Variants in ABCA6 observed in about 807,000 individuals in gnomAD.
The protein encoded by ABCA6 is ATP-binding cassette sub-family A member 6.
ABCA6 carries 164 observed loss-of-function variants against 191.2 expected under a neutral mutation model. The ratio of observed to expected loss-of-function variants is 0.86; its 90% CI spans 0.76 to 0.98. The LOEUF is 0.98. Ranked by LOEUF, ABCA6 falls within the 50% of genes least tolerant of loss-of-function variation. The pLI is 0.00. For synonymous variants in ABCA6, 636 were observed against 647.7 expected (o/e 0.98, Z 0.27); for missense variants, 1,958 against 1,894.1 (o/e 1.03, Z -0.63).
intron 8 of ABCA6, among the ~76,000 whole-genome samples, chr17:69,128,103 G>T (rs2073786076): frequency 6.6e-6 from 1 of 152,022 alleles, no homozygotes; most frequent in African/African-American, 2.4e-5. Flanking sequence ...GCAAATAAGT[G>T]AATATCATAA....
Position 69,133,643 on chromosome 17 carries a change from G to T in ABCA6, c.789C>A (p.Phe263Leu). Residue 263 changes from phenylalanine to leucine, a missense_variant and splice_region_variant, in exon 6 of 39, where the codon TTC becomes TTA. Transcript: ENST00000284425. The stretch of plus-strand genomic sequence containing the variant: ...CACTACTTGAATTAGTCACTCACCA[G>T]AATGCTGAATCTTGGAGACCCATCA... ...MKMMGLQDSA[F>L]WLSWGLIYAG... is the part of the protein sequence containing the mutation. The T allele has an allele frequency of 6.4e-7, 1 of 1,572,624 alleles. No homozygotes were observed. Among genetic ancestry groups the T allele is most frequent in the South Asian group, 1.2e-5 (1 of 85,574 alleles).
Position 69,096,359 on chromosome 17 carries a change from C to T in ABCA6, c.3295-6G>A. 7.3e-7 allele frequency: 1 copy of T among 1,375,926 alleles called. No homozygotes were observed. The highest frequency in any genetic ancestry group is 9.8e-7 in the Non-Finnish European group (1 of 1,018,110). The allele number at this position is 1,375,926 out of a possible 1,614,324, so 85.2% of individuals were successfully genotyped here. A position where few individuals can be genotyped will look rare whatever the true frequency, so the allele number is the denominator to read the frequency against. The stretch of plus-strand genomic sequence containing the variant: ...TAACCAGGAGTAACTATAACCTGAG[C>T]ATAAAAGAAATAATAACATAGTCAA... On this transcript the variant is annotated splice_polypyrimidine_tract_variant and splice_region_variant and intron_variant, in intron 24 of 38. Transcript: ENST00000284425.
At chr17:69,097,447 T>C (rs2073075577) in intron 23 of ABCA6, among the ~76,000 whole-genome samples, 3 of 152,086 alleles carry the variant, frequency 2.0e-5, no homozygotes, top group Admixed American at 2.0e-4. Flanking sequence ...TACATTTACC[T>C]TTACCTAAAC....
At chr17:69,134,563 T>A in intron 5 of ABCA6, 76 bp downstream of exon 5, 2 of 1,049,036 alleles carry the variant, frequency 1.9e-6, no homozygotes, top group Non-Finnish European at 2.9e-6. Context: ...CTAAGACAAT[T>A]ATCTTTCATC....
At chr17:69,083,082 T>C in intron 35 of ABCA6, 69 bp from the exon 36 acceptor site, 1 of 1,592,534 alleles carries the variant, frequency 6.3e-7, no homozygotes, top group Non-Finnish European at 8.6e-7. Flanking sequence ...TTCTTAAATT[T>C]CAAATGTAGA....
rs756976569 is a variant in ABCA6, at chr17:69,088,257, G to T, written c.3608C>A (p.Pro1203His). 1.8e-5 allele frequency: 28 copies of T among 1,599,120 alleles called. No individual in the cohort carries two copies. ...AACGAATAGCAAAGTCTGAAAGTAG[G>T]GCTATGAGCAAAGAAATACAGTTAT... ...SATDFLVCFIPYFQTLLFVFV... is the reference protein window; with the variant it reads ...SATDFLVCFIHYFQTLLFVFV... Residue 1203 changes from proline (P) to histidine (H), a missense_variant and splice_region_variant, in exon 28 of 39, where the codon CCC (proline) becomes CAC (histidine). Coordinates refer to ENST00000284425, the MANE Select transcript of ABCA6 (RefSeq NM_080284.3).
At position 69,083,327 on chromosome 17, in the gene ABCA6, C is replaced by G. The variant is rs756449112; in HGVS notation, c.4360G>C (p.Ala1454Pro). ...DPTGQQQMWQ[A>P]IQAVVKNTER... Reference sequence around the variant, plus strand: ...GTGTTTTTAACGACTGCCTGGATTGCCTGCCTGCAGTGAGCAAAAAAATTA... The same window carrying G: ...GTGTTTTTAACGACTGCCTGGATTGGCTGCCTGCAGTGAGCAAAAAAATTA... The change falls in exon 35 of 39, where the codon GCA (alanine) becomes CCA (proline). Residue 1454 changes from alanine (A) to proline (P), a missense_variant. Physicochemically the swap from Ala to Pro is conservative, Grantham distance 27. Transcript: ENST00000284425. The G allele has an allele frequency of 1.3e-6, 2 of 1,584,648 alleles. No homozygotes were observed. Among genetic ancestry groups the G allele is most frequent in the African/African-American group, 1.4e-5 (1 of 73,136 alleles).
intron 23 of ABCA6, among the ~76,000 whole-genome samples, 196 bp downstream of exon 23, chr17:69,097,724 G>A (rs556571161): frequency 1.3e-5 from 2 of 152,266 alleles, no homozygotes; most frequent in South Asian, 2.1e-4. Flanking sequence ...TACTTTTCAG[G>A]TGACTTTGGA....
chr17:69,130,107 A>G (rs1201161226), intron 6 of ABCA6, among the ~76,000 whole-genome samples: 3 of 152,064 alleles, frequency 2.0e-5, no homozygotes, highest in Non-Finnish European at 4.4e-5. Context: ...TTTGAGGTCA[A>G]GAGTTCCAGA....
intron 11 of ABCA6, among the ~76,000 whole-genome samples, chr17:69,116,973 G>A (rs1335173034): frequency 6.6e-6 from 1 of 151,976 alleles, no homozygotes. Context: ...TGAGTACAAA[G>A]GTAGTTCAAA....
At chr17:69,083,154 C>A in intron 35 of ABCA6, 58 bp downstream of exon 35, 1 of 1,561,162 alleles carries the variant, frequency 6.4e-7, no homozygotes, top group Non-Finnish European at 8.6e-7. Context: ...GGATTTTTGC[C>A]CTTTCCATGG....
rs68086602 is a variant in ABCA6, at chr17:69,086,486, A to AATATATATATATATATATATAT, written c.3937+110_3937+131dup. ...GTCTAAAACACTCCCTGGCACACTA[A>AATATATATATATATATATATAT]ATATATATATATATATATATATATA... On this transcript the variant is annotated intron_variant, in intron 30 of 38. Coordinates refer to ENST00000284425, the MANE Select transcript of ABCA6 (RefSeq NM_080284.3). The AATATATATATATATATATATAT allele has an allele frequency of 7.2e-4, 117 of 163,282 alleles. 2 individuals are homozygous for AATATATATATATATATATATAT. In the East Asian group the frequency reaches 9.6e-3, roughly 13 times the overall value. The allele number at this position is 163,282 out of a possible 1,614,324, so 10.1% of individuals were successfully genotyped here. A position where few individuals can be genotyped will look rare whatever the true frequency, so the allele number is the denominator to read the frequency against.
intron 10 of ABCA6, among the ~76,000 whole-genome samples, chr17:69,120,037 A>G (rs2073612565): frequency 6.6e-6 from 1 of 152,106 alleles, no homozygotes; most frequent in Admixed American, 6.6e-5. Context: ...GATACCATTT[A>G]TAGATTATAT....
intron 22 of ABCA6, among the ~76,000 whole-genome samples, chr17:69,100,552 A>T (rs2073156137): frequency 6.6e-6 from 1 of 152,190 alleles, no homozygotes; most frequent in African/African-American, 2.4e-5. Flanking sequence ...AGTATGTACA[A>T]CTTTTCAAAA....
intron 30 of ABCA6, 48 bp downstream of exon 30, chr17:69,086,570 A>C: frequency 1.6e-6 from 2 of 1,263,444 alleles, no homozygotes; most frequent in Non-Finnish European, 2.3e-6. Flanking sequence ...GATGTTCGGT[A>C]GGTAGTTCTA....
intron 22 of ABCA6, 117 bp from the exon 23 acceptor site, chr17:69,098,144 T>C: frequency 3.2e-6 from 2 of 628,288 alleles, no homozygotes; most frequent in South Asian, 3.4e-5. Flanking sequence ...GTGTAGCTCA[T>C]TACCATCTAG....
intron 2 of ABCA6, among the ~76,000 whole-genome samples, chr17:69,139,413 G>C (rs2073995810): frequency 6.6e-6 from 1 of 152,182 alleles, no homozygotes; most frequent in Non-Finnish European, 1.5e-5. Flanking sequence ...TCTCACACCA[G>C]TTAGAATGGC....
rs1399330488 is a variant in ABCA6 at position 69,124,927 on chromosome 17, A to G, written c.1228T>C (p.Tyr410His). Residue 410 changes from tyrosine to histidine, a missense_variant, in exon 9 of 39, where the codon TAC (tyrosine) becomes CAC (histidine). Physicochemically the swap from Tyr to His is moderately conservative, Grantham distance 83. Transcript: ENST00000284425. ...TCAAAGTATAATGCCAATAGCAAGT[A>G]GATGAGACCATCCAAAAGCAACATA... Reference protein sequence around the residue: ...FSMLLLDGLIYLLLALYFDKI... With the variant: ...FSMLLLDGLIHLLLALYFDKI... 3 of 1,577,804 alleles carry G rather than the reference A, an allele frequency of 1.9e-6. No homozygotes were observed. The East Asian group carries it at 7.0e-5, about 37-fold the overall frequency.
At chr17:69,133,902 T>A in intron 5 of ABCA6, 35 bp from the exon 6 acceptor site, 3 of 1,394,160 alleles carry the variant, frequency 2.2e-6, no homozygotes, top group African/African-American at 1.5e-5. Context: ...AATTATTATT[T>A]AAAAGATAGA....
Sources: gnomAD v4.1 joint callset for allele counts (sites outside exome capture counted in the v4.1 genomes callset) on GRCh38, gnomAD v4.1.1 for gene constraint, MANE v1.5 for transcripts, NCBI Gene and HGNC (gene_info 2026-07-23, HGNC 2026-07-21) for gene names.